NTM: variants seen among roughly 807,000 people sequenced by gnomAD.
NTM encodes the protein IgLON family member 2.
In NTM, 13 loss-of-function variants were observed where a neutral mutation model predicts 42.1. The observed-to-expected ratio is 0.31, with a 90% CI of 0.20 to 0.49. NTM has a LOEUF of 0.49. Ranked by LOEUF, NTM falls within the 20% of genes least tolerant of loss-of-function variation. The probability of loss-of-function intolerance (pLI) is 0.99; values close to 1 mark genes in which losing one functional copy is unlikely to be tolerated. For synonymous variants in NTM, 187 were observed against 179.2 expected, an observed-to-expected ratio of 1.04 and a Z score of -0.35; for missense variants, 373 against 452.8, an observed-to-expected ratio of 0.82 and a Z score of 1.60.
intron 1 of NTM, among the ~76,000 whole-genome samples, chr11:131,694,952 G>A (rs1413565110): frequency 2.0e-5 from 3 of 152,160 alleles, no homozygotes; most frequent in Non-Finnish European, 4.4e-5. Flanking sequence ...GAAGGGAGGA[G>A]CCCCAGCAGA....
intron 7 of NTM, among the ~76,000 whole-genome samples, chr11:132,318,903 TG>T (rs2095496715): frequency 6.6e-6 from 1 of 151,548 alleles, no homozygotes; most frequent in South Asian, 2.1e-4. Context: ...GCATGACAGA[TG>T]AAAAAAAGTA....
intron 4 of NTM, among the ~76,000 whole-genome samples, chr11:132,250,146 T>C (rs187116285): frequency 6.6e-6 from 1 of 152,366 alleles, no homozygotes; most frequent in Admixed American, 6.5e-5. Flanking sequence ...CTTATTCTGA[T>C]ACAGAATGTT....
intron 7 of NTM, among the ~76,000 whole-genome samples, chr11:132,318,496 C>T (rs573523658): frequency 1.3e-5 from 2 of 152,310 alleles, no homozygotes; most frequent in East Asian, 3.9e-4. Context: ...ACATCCTCTT[C>T]CACTTCCAGT....
At chr11:132,164,392 AG>A (rs2074925028) in intron 3 of NTM, among the ~76,000 whole-genome samples, 1 of 152,228 alleles carries the variant, frequency 6.6e-6, no homozygotes, top group Non-Finnish European at 1.5e-5. Flanking sequence ...ACCATCCATT[AG>A]ACATCAGCCT....
intron 1 of NTM, among the ~76,000 whole-genome samples, chr11:131,711,932 TGA>T (rs2077184786): frequency 8.0e-6 from 1 of 124,674 alleles, no homozygotes; most frequent in East Asian, 2.4e-4. Flanking sequence ...AATTGAACAA[TGA>T]GAACACATGG....
chr11:132,319,052 A>G (rs2136235101), intron 7 of NTM, among the ~76,000 whole-genome samples: 1 of 152,368 alleles, frequency 6.6e-6, no homozygotes, highest in East Asian at 1.9e-4. Flanking sequence ...GATTCAACCT[A>G]TGATTCAACT....
intron 2 of NTM, among the ~76,000 whole-genome samples, chr11:132,061,344 C>T (rs1321268549): frequency 6.6e-6 from 1 of 152,194 alleles, no homozygotes. Flanking sequence ...TTAGGTATTA[C>T]ACTCACTGAT....
At chr11:131,621,825 GAAAAAAA>G (rs34307645) in intron 1 of NTM, among the ~76,000 whole-genome samples, 2 of 105,538 alleles carry the variant, frequency 1.9e-5, no homozygotes, top group African/African-American at 6.9e-5. Flanking sequence ...TCAACTCAAA[GAAAAAAA>G]AAAAAAAAAA....
intron 1 of NTM, among the ~76,000 whole-genome samples, chr11:131,849,057 T>C (rs1174441974): frequency 6.6e-6 from 1 of 152,206 alleles, no homozygotes; most frequent in African/African-American, 2.4e-5. Flanking sequence ...GACGTGAGGC[T>C]AAATGAACTC....
chr11:131,588,042 T>C (rs1170537843), intron 1 of NTM, among the ~76,000 whole-genome samples: 1 of 152,264 alleles, frequency 6.6e-6, no homozygotes, highest in Non-Finnish European at 1.5e-5. Context: ...ATGATTGTCA[T>C]GTATTGTCTC....
At chr11:132,147,791 T>A (rs2070882581) in intron 3 of NTM, among the ~76,000 whole-genome samples, 1 of 152,022 alleles carries the variant, frequency 6.6e-6, no homozygotes, top group Admixed American at 6.6e-5. Context: ...TGTCGGTGTG[T>A]TCAAGAAAAG....
rs1391197847 is a variant in NTM, at chr11:131,605,694, C to G, written c.82+234806C>G. On this transcript the variant is annotated intron_variant, in intron 1 of 8. Coordinates refer to ENST00000683400, the MANE Select transcript of NTM (RefSeq NM_001352005.2). ...TGGGTGGTTTGTATGTGCCCTTTAT[C>G]AGGGTGAGGACGTTTCTTTCTATTC... The G allele has an allele frequency of 1.1e-5, 7 of 644,756 alleles. No individual in the cohort carries two copies. In the Admixed American group the frequency reaches 1.9e-4, roughly 17 times the overall value. The allele number at this position is 644,756 out of a possible 1,614,324, so 39.9% of individuals were successfully genotyped here. A position where few individuals can be genotyped will look rare whatever the true frequency, so the allele number is the denominator to read the frequency against.
intron 1 of NTM, among the ~76,000 whole-genome samples, chr11:131,662,788 T>C (rs1054241117): frequency 6.6e-6 from 1 of 152,168 alleles, no homozygotes; most frequent in African/African-American, 2.4e-5. Flanking sequence ...TGGCTCCCTG[T>C]GGACCTCAGA....
At chr11:131,517,682 T>G (rs923639871) in intron 1 of NTM, among the ~76,000 whole-genome samples, 18 of 152,250 alleles carry the variant, frequency 1.2e-4, no homozygotes, top group Admixed American at 2.6e-4. Context: ...TCAGGCAGAA[T>G]AGCCTTCTAG....
chr11:131,787,016 T>C (rs920128391), intron 1 of NTM, among the ~76,000 whole-genome samples: 3 of 152,238 alleles, frequency 2.0e-5, no homozygotes, highest in African/African-American at 4.8e-5. Flanking sequence ...TTAGTATTAC[T>C]AAATCTTCAC....
In NTM at chr11:131,840,017, C is replaced by T. The variant is rs1411520321; in HGVS notation, c.83-71547C>T. Among the ~76,000 whole-genome samples, 7 of 152,286 alleles carry T rather than the reference C, an allele frequency of 4.6e-5. No individual in the cohort carries two copies. In the South Asian group the frequency reaches 6.2e-4, roughly 14 times the overall value. On this transcript the variant is annotated intron_variant, in intron 1 of 8. Transcript: ENST00000683400. ...TGGACTTGCCATCAGCTGAGACAGA[C>T]GATGAAAGCTGTGTTGGGGAGTTCA...
At chr11:132,216,220 T>C (rs2083836834) in intron 4 of NTM, among the ~76,000 whole-genome samples, 1 of 152,264 alleles carries the variant, frequency 6.6e-6, no homozygotes, top group African/African-American at 2.4e-5. Context: ...CAAAAGATGC[T>C]GTGTTGGACC....
chr11:132,073,079 C>T (rs377230736), intron 2 of NTM, among the ~76,000 whole-genome samples: 16 of 152,254 alleles, frequency 1.1e-4, no homozygotes, highest in African/African-American at 3.9e-4. Context: ...TGTGCTAGCT[C>T]CTTCTGTCCT....
intron 1 of NTM, among the ~76,000 whole-genome samples, chr11:131,901,074 G>A (rs901802243): frequency 6.6e-6 from 1 of 152,192 alleles, no homozygotes; most frequent in Non-Finnish European, 1.5e-5. Flanking sequence ...GCAACCATTT[G>A]TGGAGTTGGT....
Sources: allele counts gnomAD v4.1 joint callset (sites outside exome capture counted in the v4.1 genomes callset), GRCh38; gene constraint gnomAD v4.1.1; transcripts MANE v1.5; gene names NCBI Gene and HGNC (gene_info 2026-07-23, HGNC 2026-07-21).